The following CTNNA3 variants were observed in gnomAD, a reference collection of about 807,000 sequenced individuals.
CTNNA3 encodes the protein catenin alpha-3.
CTNNA3 carries 76 observed loss-of-function variants against 95.7 expected under a neutral mutation model. The observed-to-expected ratio is 0.79, with a 90% CI of 0.66 to 0.96. The LOEUF is 0.96. Ranked by LOEUF, CTNNA3 falls within the 40% of genes least tolerant of loss-of-function variation. The pLI, the probability that CTNNA3 is intolerant of heterozygous loss-of-function variation, is 0.00. For missense variants in CTNNA3, 1,191 were observed against 1,089.8 expected (o/e 1.09, Z -1.31); for synonymous variants, 431 against 374.4 (o/e 1.15, Z -1.74).
chr10:66,648,505 G>A (rs927564083), intron 9 of CTNNA3, among the ~76,000 whole-genome samples: 15 of 152,082 alleles, frequency 9.9e-5, no homozygotes, highest in African/African-American at 3.4e-4. Context: ...AAAAAGAGTC[G>A]AATATGCGAA....
At chr10:66,314,478 A>G (rs1348219817) in intron 12 of CTNNA3, among the ~76,000 whole-genome samples, 1 of 151,830 alleles carries the variant, frequency 6.6e-6, no homozygotes, top group Non-Finnish European at 1.5e-5. Context: ...TCATGATCCA[A>G]TATCATTCTT....
chr10:67,418,297 G>A (rs1407049749), intron 5 of CTNNA3, among the ~76,000 whole-genome samples: 2 of 152,064 alleles, frequency 1.3e-5, no homozygotes, highest in African/African-American at 4.8e-5. Flanking sequence ...GAAATAGTAT[G>A]AAGTTTTCTC....
At chr10:67,233,583 A>G (rs1434928099) in intron 5 of CTNNA3, among the ~76,000 whole-genome samples, 339 of 131,252 alleles carry the variant, frequency 2.6e-3, no homozygotes, top group Non-Finnish European at 3.4e-3. Flanking sequence ...TTGACACCCT[A>G]ACATCACAAT....
At chr10:66,443,059 C>A (rs1338486721) in intron 11 of CTNNA3, among the ~76,000 whole-genome samples, 2 of 152,134 alleles carry the variant, frequency 1.3e-5, no homozygotes, top group African/African-American at 2.4e-5. Context: ...TCACTGATTG[C>A]TAGCACGGCA....
intron 5 of CTNNA3, among the ~76,000 whole-genome samples, chr10:67,324,154 G>A (rs1015313692): frequency 6.6e-6 from 1 of 152,096 alleles, no homozygotes; most frequent in East Asian, 1.9e-4. Flanking sequence ...CTAGTTATAG[G>A]ATGATGTCAT....
At chr10:67,504,001 C>T (rs1839328967) in intron 5 of CTNNA3, among the ~76,000 whole-genome samples, 1 of 151,238 alleles carries the variant, frequency 6.6e-6, no homozygotes, top group Non-Finnish European at 1.5e-5. Context: ...ACTAAAAATA[C>T]AAAAAATCAG....
At chr10:66,919,344 A>G (rs1442751142) in intron 7 of CTNNA3, among the ~76,000 whole-genome samples, 2 of 152,142 alleles carry the variant, frequency 1.3e-5, no homozygotes, top group Non-Finnish European at 2.9e-5. Context: ...GGAAGAAAAA[A>G]AAGTATTTCC....
At chr10:66,637,957 G>A (rs1451844173) in intron 9 of CTNNA3, among the ~76,000 whole-genome samples, 3 of 152,036 alleles carry the variant, frequency 2.0e-5, no homozygotes, top group Non-Finnish European at 4.4e-5. Context: ...AACCATGGCT[G>A]GATTACTTGA....
chr10:66,986,676 G>A (rs780777619), intron 7 of CTNNA3, among the ~76,000 whole-genome samples: 3 of 152,048 alleles, frequency 2.0e-5, no homozygotes, highest in African/African-American at 7.2e-5. Flanking sequence ...ACTATACCTT[G>A]TAAGTCAACT....
intron 10 of CTNNA3, among the ~76,000 whole-genome samples, chr10:66,543,901 GTGTGTGTGTGTATATATATA>G (rs1841946397): frequency 1.4e-4 from 3 of 21,648 alleles, no homozygotes; most frequent in African/African-American, 4.5e-4. Context: ...TTCTTGAGAT[GTGTGTGTGTGTATATATATA>G]TATATATATA....
intron 5 of CTNNA3, among the ~76,000 whole-genome samples, chr10:67,356,700 T>C (rs575744394): frequency 6.6e-6 from 1 of 152,238 alleles, no homozygotes; most frequent in Admixed American, 6.5e-5. Flanking sequence ...AATCAACTTT[T>C]TGCTGTATTT....
At chr10:67,377,169 C>A (rs1247606489) in intron 5 of CTNNA3, among the ~76,000 whole-genome samples, 1 of 152,112 alleles carries the variant, frequency 6.6e-6, no homozygotes, top group East Asian at 1.9e-4. Context: ...TTTATGTAAT[C>A]CACAGTAGAT....
At chr10:67,282,916 T>C (rs1022540729) in intron 5 of CTNNA3, among the ~76,000 whole-genome samples, 3 of 152,172 alleles carry the variant, frequency 2.0e-5, no homozygotes, top group Non-Finnish European at 4.4e-5. Flanking sequence ...AGGTGGGTCA[T>C]AGAAAGCAGG....
chr10:66,042,767 G>A (rs192924160), intron 15 of CTNNA3, among the ~76,000 whole-genome samples: 2 of 151,314 alleles, frequency 1.3e-5, no homozygotes, highest in Non-Finnish European at 2.9e-5. Context: ...AGGTGTGGTG[G>A]TGCATGCCTG....
chr10:66,469,691 C>G (rs1839057314), intron 11 of CTNNA3, among the ~76,000 whole-genome samples: 1 of 151,606 alleles, frequency 6.6e-6, no homozygotes, highest in Non-Finnish European at 1.5e-5. Flanking sequence ...GTAGGTGCAC[C>G]AGTTGAGGGC....
intron 5 of CTNNA3, among the ~76,000 whole-genome samples, chr10:67,254,479 G>A (rs1440619348): frequency 6.6e-6 from 1 of 152,086 alleles, no homozygotes; most frequent in African/African-American, 2.4e-5. Context: ...AAGGTAATAG[G>A]ATTGCTACTA....
intron 15 of CTNNA3, among the ~76,000 whole-genome samples, chr10:66,027,539 T>G (rs1347606638): frequency 6.6e-6 from 1 of 152,176 alleles, no homozygotes; most frequent in Admixed American, 6.5e-5. Flanking sequence ...GAATGCTTCC[T>G]TATTAATTAG....
At chr10:66,597,201 C>T (rs1173307492) in intron 10 of CTNNA3, among the ~76,000 whole-genome samples, 1 of 151,732 alleles carries the variant, frequency 6.6e-6, no homozygotes, top group Non-Finnish European at 1.5e-5. Context: ...AAACTAATAG[C>T]TGCATTATGG....
chr10:66,130,538 T>C lies in CTNNA3; in HGVS notation c.1885-27289A>G, dbSNP rs141484069. On this transcript the variant is annotated intron_variant, in intron 13 of 17. Coordinates refer to ENST00000433211, the MANE Select transcript of CTNNA3 (RefSeq NM_013266.4). ...GAAACAGAAAGGGGAATATTACTAC[T>C]GACTCCATAGAAATACAAAGAATCG... Among the ~76,000 whole-genome samples the C allele has an allele frequency of 3.6e-4, 54 of 151,890 alleles. No homozygotes were observed. The East Asian group carries it at 9.9e-3, about 28-fold the overall frequency.
Sources: gnomAD v4.1 joint callset for allele counts (sites outside exome capture counted in the v4.1 genomes callset) on GRCh38, gnomAD v4.1.1 for gene constraint, MANE v1.5 for transcripts, NCBI Gene and HGNC (gene_info 2026-07-23, HGNC 2026-07-21) for gene names.